The following REV3L variants were observed in gnomAD, a reference collection of about 807,000 sequenced individuals.
REV3L encodes the protein REV3 like, DNA directed polymerase zeta catalytic subunit.
REV3L carries 69 observed loss-of-function variants against 299.4 expected under a neutral mutation model. The ratio of observed to expected loss-of-function variants is 0.23; its 90% CI spans 0.19 to 0.28. REV3L has a LOEUF of 0.28. REV3L is among the 10% of genes least tolerant of loss of function. REV3L has a pLI of 1.00. For missense variants in REV3L, 3,128 were observed against 3,693.8 expected, an observed-to-expected ratio of 0.85 and a Z score of 3.97; for synonymous variants, 1,238 against 1,271.4, an observed-to-expected ratio of 0.97 and a Z score of 0.56.
intron 23 of REV3L, among the ~76,000 whole-genome samples, 180 bp from the exon 24 acceptor site, chr6:111,331,964 T>C (rs459809): frequency 0.71 from 107,951 of 152,122 alleles, 39,447 homozygotes; most frequent in Non-Finnish European, 0.81. Flanking sequence ...CAAATATTCA[T>C]AATTTATTAC....
intron 1 of REV3L, among the ~76,000 whole-genome samples, chr6:111,480,053 A>G (rs577197638): frequency 1.3e-5 from 2 of 152,362 alleles, no homozygotes; most frequent in African/African-American, 2.4e-5. Context: ...ATAATTTTGA[A>G]ACGGCCACTT....
In REV3L at chr6:111,310,076, C is replaced by T. The variant is rs745450997; in HGVS notation, c.8819G>A (p.Arg2940His). The part of the protein sequence containing the change: ...LTRKMLTYDR[R>H]SEPQVGERVP... ...TCGCTCCCCAACCTGAGGCTCAGAG[C>T]GCCGGTCATAAGTCAGCATTTTCCT... Residue 2940 changes from arginine to histidine, a missense_variant, in exon 30 of 32, where the codon CGC becomes CAC. Arg to His is a conservative substitution (Grantham distance 29). Around this residue, in one of 9 missense-constraint regions of REV3L, gnomAD observed 294 missense variants for 377.0 expected, o/e 0.78. Transcript: ENST00000368802. 4.7e-5 allele frequency: 74 copies of T among 1,575,606 alleles called. No homozygotes were observed. The highest frequency in any genetic ancestry group is 5.1e-5 in the Non-Finnish European group (59 of 1,159,742).
At chr6:111,359,256 T>C (rs903346142) in intron 16 of REV3L, among the ~76,000 whole-genome samples, 70 of 152,214 alleles carry the variant, frequency 4.6e-4, no homozygotes, top group African/African-American at 1.6e-3. Flanking sequence ...TTTAGACTAT[T>C]TTTCTCAAAT....
At position 111,322,661 on chromosome 6, in the gene REV3L, A is replaced by G. The variant is rs143597574; in HGVS notation, c.8259T>C (p.Val2753=). The G allele has an allele frequency of 8.7e-6, 14 of 1,613,936 alleles. No homozygotes were observed. The highest frequency in any genetic ancestry group is 1.2e-5 in the Non-Finnish European group (14 of 1,179,946). Residue 2753 remains valine, a synonymous_variant, in exon 26 of 32, where the codon GTT becomes GTC. Transcript: ENST00000368802. ...GTTCCAAGGTCTCTCTGGCTTTGTGAACAATACTATCGCCAACCTGTTGGT... is the reference window on the plus strand; with the variant it reads ...GTTCCAAGGTCTCTCTGGCTTTGTGGACAATACTATCGCCAACCTGTTGGT... ...MPCIEVGDSI[V]HKARETLERA... is the part of the protein sequence containing the mutation.
chr6:111,314,789 C>A (rs1773340891), intron 27 of REV3L, among the ~76,000 whole-genome samples: 1 of 150,922 alleles, frequency 6.6e-6, no homozygotes, highest in South Asian at 2.1e-4. Context: ...CATTTCCTTA[C>A]ATATATACAT....
chr6:111,392,168 G>T (rs1437055701), intron 5 of REV3L, among the ~76,000 whole-genome samples: 1 of 152,200 alleles, frequency 6.6e-6, no homozygotes, highest in Non-Finnish European at 1.5e-5. Flanking sequence ...TGAGAGAAAG[G>T]AGGGAAACAA....
intron 1 of REV3L, among the ~76,000 whole-genome samples, chr6:111,429,441 G>A (rs775427786): frequency 2.4e-4 from 37 of 152,232 alleles, no homozygotes; most frequent in Non-Finnish European, 5.1e-4. Context: ...CAAAAAGAAA[G>A]CTTGTAAAGG....
chr6:111,376,725 G>T lies in REV3L; in HGVS notation c.1630C>A (p.His544Asn). 2 of 1,596,912 alleles carry T rather than the reference G, an allele frequency of 1.3e-6. No homozygotes were observed. Among genetic ancestry groups the T allele is most frequent in the African/African-American group, 2.7e-5 (2 of 74,698 alleles). The part of the protein sequence containing the change: ...NPLNNENSRT[H>N]SSVIATSKLS... ...TTGCTTGTTGCAATTACAGAAGAGT[G>T]GGTTCTAGAATTTTCATTGTTCAAT... Residue 544 changes from histidine to asparagine, a missense_variant, in exon 13 of 32, where the codon CAC (histidine) becomes AAC (asparagine). Physicochemically the swap from His to Asn is moderately conservative, Grantham distance 68. Around this residue, in one of 9 missense-constraint regions of REV3L, gnomAD observed 2,409 missense variants for 2,611.8 expected, o/e 0.92. Transcript: ENST00000368802.
chr6:111,359,050 T>C, intron 16 of REV3L, 36 bp from the exon 17 acceptor site: 2 of 1,539,590 alleles, frequency 1.3e-6, no homozygotes, highest in Non-Finnish European at 1.8e-6. Context: ...TTTTAAAACA[T>C]TTTTTAAAGA....
rs17510436 is a variant in REV3L at position 111,455,951 on chromosome 6, C to A, written c.139+26799G>T. On this transcript the variant is annotated intron_variant, in intron 1 of 31. Transcript: ENST00000368802. ...GGTTCCTTAAGATAGAGCATCATAT[C>A]GAAACCTCGTATATGGCACTTGATA... Among the ~76,000 whole-genome samples, 20 of 152,086 alleles carry A rather than the reference C, an allele frequency of 1.3e-4. 1 individual carries two copies. The highest frequency in any genetic ancestry group is 1.2e-3 in the Admixed American group (19 of 15,278).
At chr6:111,413,232 T>C (rs1317300392) in intron 2 of REV3L, among the ~76,000 whole-genome samples, 1 of 152,200 alleles carries the variant, frequency 6.6e-6, no homozygotes. Flanking sequence ...ACATGGGTTA[T>C]CTTCAGCCAG....
intron 19 of REV3L, among the ~76,000 whole-genome samples, chr6:111,350,155 T>G (rs1183799681): frequency 6.6e-6 from 1 of 152,192 alleles, no homozygotes; most frequent in Non-Finnish European, 1.5e-5. Flanking sequence ...ATTTAAGAAG[T>G]TAGTATAATT....
chr6:111,372,060 A>G (rs2115058341), intron 13 of REV3L, among the ~76,000 whole-genome samples: 1 of 152,340 alleles, frequency 6.6e-6, no homozygotes, highest in African/African-American at 2.4e-5. Context: ...TGCATAAACT[A>G]TAATAACAAT....
In REV3L at chr6:111,374,503, A is replaced by C. The variant is rs775381489; in HGVS notation, c.3852T>G (p.Thr1284=). ...VDHPLSASLP[T]GINAQQKLSG... is the part of the protein sequence containing the mutation. ...ATAACTTCTGTTGTGCATTAATTCC[A>C]GTGGGTAGGGAAGCAGAAAGGGGAT... Residue 1284 remains threonine (T), a synonymous_variant, in exon 13 of 32, where the codon ACT becomes ACG. Coordinates refer to ENST00000368802, the MANE Select transcript of REV3L (RefSeq NM_001372078.1). The C allele has an allele frequency of 5.0e-6, 8 of 1,613,968 alleles. No homozygotes were observed. In the South Asian group the frequency reaches 8.8e-5, roughly 18 times the overall value.
Position 111,367,464 on chromosome 6 carries a change from A to T in REV3L, c.6324T>A (p.Asp2108Glu). The T allele has an allele frequency of 1.9e-6, 3 of 1,608,954 alleles. No homozygotes were observed. The highest frequency in any genetic ancestry group is 2.5e-6 in the Non-Finnish European group (3 of 1,176,902). The change falls in exon 14 of 32, where the codon GAT (aspartate) becomes GAA (glutamate). Residue 2108 changes from aspartate (D) to glutamate (E), a missense_variant. Physicochemically the swap from Asp to Glu is conservative, Grantham distance 45 (BLOSUM62 2). Coordinates refer to ENST00000368802, the MANE Select transcript of REV3L (RefSeq NM_001372078.1). ...ASASDPEKDE[D>E]DDDNYYISYS... ...AACTAATGTAATAGTTATCATCATC[A>T]TCTTCATCTTTTTCGGGATCACTTG... is the stretch of plus-strand genomic sequence containing the variant.
At chr6:111,377,342 A>AT (rs1381735589) in intron 12 of REV3L, among the ~76,000 whole-genome samples, 5 of 144,550 alleles carry the variant, frequency 3.5e-5, no homozygotes, top group Admixed American at 7.0e-5. Context: ...TTATTTATTT[A>AT]TTATTTTTTT....
intron 1 of REV3L, among the ~76,000 whole-genome samples, chr6:111,429,807 C>G (rs1390871083): frequency 6.6e-6 from 1 of 151,962 alleles, no homozygotes; most frequent in African/African-American, 2.4e-5. Flanking sequence ...AGCACAGGGG[C>G]CCGGTCGGAC....
intron 1 of REV3L, among the ~76,000 whole-genome samples, chr6:111,463,519 T>C (rs1583083207): frequency 6.6e-6 from 1 of 152,192 alleles, no homozygotes; most frequent in Non-Finnish European, 1.5e-5. Flanking sequence ...GTAAGACATA[T>C]CCTAATTACT....
At position 111,482,987 on chromosome 6, in the gene REV3L, C is replaced by T. The variant is rs1400088321; in HGVS notation, c.-99G>A. ...CGCAGCGGCGGCGGCGCCCCCTCCCCTTCTCGGCACGGCCCCCTCCCCTCA... is the reference window on the plus strand; with the variant it reads ...CGCAGCGGCGGCGGCGCCCCCTCCCTTTCTCGGCACGGCCCCCTCCCCTCA... On this transcript the variant is annotated 5_prime_UTR_variant, in exon 1 of 32. Transcript: ENST00000368802. The T allele has an allele frequency of 7.4e-7, 1 of 1,345,678 alleles. No individual in the cohort carries two copies. Among genetic ancestry groups the T allele is most frequent in the African/African-American group, 1.6e-5 (1 of 64,424 alleles). The allele number at this position is 1,345,678 out of a possible 1,614,324, so 83.4% of individuals were successfully genotyped here.
Sources: gnomAD v4.1 joint callset for allele counts (sites outside exome capture counted in the v4.1 genomes callset) on GRCh38, gnomAD v4.1.1 for gene constraint, gnomAD v4.1.1 regional missense constraint, MANE v1.5 for transcripts, NCBI Gene and HGNC (gene_info 2026-07-23, HGNC 2026-07-21) for gene names.